MED12L: variants seen among roughly 807,000 people sequenced by gnomAD.
MED12L encodes the protein mediator of RNA polymerase II transcription subunit 12-like protein.
In MED12L, 60 loss-of-function variants were observed where a neutral mutation model predicts 281.3. That is an observed-to-expected ratio of 0.21 (90% CI 0.17 to 0.26). The LOEUF (loss-of-function observed/expected upper bound fraction) is 0.26. Among genes scored for constraint, MED12L ranks in the 10% least tolerant of loss-of-function variants. MED12L has a pLI of 1.00. For missense variants in MED12L, 2,146 were observed against 2,680.9 expected, an observed-to-expected ratio of 0.80 and a Z score of 4.41; for synonymous variants, 974 against 987.2, an observed-to-expected ratio of 0.99 and a Z score of 0.25.
chr3:151,398,390 C>A (rs1337341832), intron 39 of MED12L, among the ~76,000 whole-genome samples: 6 of 152,198 alleles, frequency 3.9e-5, no homozygotes, highest in Non-Finnish European at 5.9e-5. Flanking sequence ...TTCAGTGATA[C>A]ACAATGAAAA....
At chr3:151,297,873 CAT>C (rs963462783) in intron 16 of MED12L, among the ~76,000 whole-genome samples, 1 of 151,678 alleles carries the variant, frequency 6.6e-6, no homozygotes, top group Non-Finnish European at 1.5e-5. Context: ...TACATATATA[CAT>C]ATATATATAT....
Position 151,385,092 on chromosome 3 carries a change from G to A in MED12L, c.4989G>A (p.Pro1663=), listed in dbSNP as rs766869045. Residue 1663 remains proline, a synonymous_variant, in exon 36 of 45, where the codon CCG becomes CCA. Transcript: ENST00000687756. ...IDKVRQLLPL[P]KQTCDVITCE... is the part of the protein sequence containing the mutation. ...AAGTTCGACAGTTACTACCTTTGCC[G>A]AAACAGACATGTGATGTCATCACTT... 13 of 1,612,250 alleles carry A rather than the reference G, an allele frequency of 8.1e-6. No individual in the cohort carries two copies. Among genetic ancestry groups the A allele is most frequent in the Non-Finnish European group, 2.5e-6 (3 of 1,179,242 alleles).
chr3:151,394,885 C>A lies in MED12L; in HGVS notation c.5820+18C>A. 6.2e-7 allele frequency: 1 copy of A among 1,613,016 alleles called. No individual in the cohort carries two copies. The highest frequency in any genetic ancestry group is 1.1e-5 in the South Asian group (1 of 91,002). ...TCCAACAGGTTTGTCCAGACCCCAG[C>A]AATGGAGTCCTTTGCATTTTATTAC... On this transcript the variant is annotated intron_variant, in intron 39 of 44. Transcript: ENST00000687756.
At position 151,294,653 on chromosome 3, in the gene MED12L, G is replaced by A. The variant is rs143642629; in HGVS notation, c.2251-55406G>A. The A allele has an allele frequency of 1.2e-6, 2 of 1,614,002 alleles. No homozygotes were observed. The highest frequency in any genetic ancestry group is 1.3e-5 in the African/African-American group (1 of 74,900). On this transcript the variant is annotated intron_variant, in intron 16 of 44. Transcript: ENST00000687756. ...TGCCGTATGCCATTTGACCCCCAAA[G>A]GACTTTTAAGTTTTGAGCAGTCATG...
intron 16 of MED12L, among the ~76,000 whole-genome samples, chr3:151,313,790 G>C (rs1747865191): frequency 6.6e-6 from 1 of 152,024 alleles, no homozygotes; most frequent in Admixed American, 6.6e-5. Context: ...GTTACATGGT[G>C]GTGGGCGCCT....
intron 16 of MED12L, chr3:151,316,286 A>T (rs917213775): frequency 3.9e-5 from 6 of 152,224 alleles, no homozygotes; most frequent in African/African-American, 1.4e-4. Context: ...AGAGACTTTG[A>T]CTTTTACTCA....
chr3:151,165,378 G>A, intron 9 of MED12L, 42 bp from the exon 10 acceptor site: 1 of 1,505,720 alleles, frequency 6.6e-7, no homozygotes, highest in Non-Finnish European at 9.2e-7. Context: ...CATGCGCTGT[G>A]GCATTCCAAG....
intron 39 of MED12L, among the ~76,000 whole-genome samples, chr3:151,396,348 C>A (rs978483690): frequency 1.3e-5 from 2 of 152,172 alleles, no homozygotes; most frequent in African/African-American, 4.8e-5. Flanking sequence ...ACGCCTAGGG[C>A]CAGGCGTGGT....
intron 43 of MED12L, among the ~76,000 whole-genome samples, chr3:151,429,586 TG>T (rs1719242762): frequency 1.3e-5 from 2 of 152,238 alleles, no homozygotes; most frequent in Non-Finnish European, 2.9e-5. Flanking sequence ...TTCTGGTAGA[TG>T]CTGCTTTTTT....
chr3:151,300,556 G>T (rs554809347), intron 16 of MED12L, among the ~76,000 whole-genome samples: 1 of 152,280 alleles, frequency 6.6e-6, no homozygotes, highest in South Asian at 2.1e-4. Context: ...ATTCTATCAC[G>T]TATTGACCAT....
intron 16 of MED12L, among the ~76,000 whole-genome samples, chr3:151,309,827 C>T (rs1747252265): frequency 6.6e-6 from 1 of 152,206 alleles, no homozygotes; most frequent in African/African-American, 2.4e-5. Flanking sequence ...ATTAGGCAGT[C>T]ATGGAATTTG....
At chr3:151,362,061 G>A (rs565047308) in intron 21 of MED12L, among the ~76,000 whole-genome samples, 3 of 151,722 alleles carry the variant, frequency 2.0e-5, no homozygotes, top group East Asian at 1.9e-4. Flanking sequence ...GTCATACCTC[G>A]TATCCAGTTT....
intron 36 of MED12L, among the ~76,000 whole-genome samples, chr3:151,386,030 T>C (rs142341266): frequency 6.6e-6 from 1 of 152,182 alleles, no homozygotes; most frequent in African/African-American, 2.4e-5. Context: ...GGGGATAGAA[T>C]AGAGGGTCCC....
At chr3:151,130,034 A>G (rs1576789679) in intron 5 of MED12L, among the ~76,000 whole-genome samples, 1 of 151,876 alleles carries the variant, frequency 6.6e-6, no homozygotes, top group African/African-American at 2.4e-5. Flanking sequence ...CACCCAGAGT[A>G]CTGGGATTAC....
At chr3:151,091,433 T>C (rs1197642043) in intron 2 of MED12L, among the ~76,000 whole-genome samples, 1 of 152,170 alleles carries the variant, frequency 6.6e-6, no homozygotes, top group Admixed American at 6.5e-5. Context: ...GGTGACAAGA[T>C]CCCAGGTAAT....
chr3:151,142,752 A>T (rs546435259), intron 5 of MED12L, among the ~76,000 whole-genome samples: 1 of 152,204 alleles, frequency 6.6e-6, no homozygotes, highest in South Asian at 2.1e-4. Context: ...TGACTTATTT[A>T]TAAAAGCTAG....
At chr3:151,145,372 C>CT (rs60417545) in intron 5 of MED12L, among the ~76,000 whole-genome samples, 2,839 of 152,314 alleles carry the variant, frequency 0.019, 102 homozygotes, top group African/African-American at 0.065. Context: ...TGAACACATT[C>CT]TTTAAGGCAT....
chr3:151,296,975 A>T (rs1745187595), intron 16 of MED12L, among the ~76,000 whole-genome samples: 1 of 152,214 alleles, frequency 6.6e-6, no homozygotes, highest in South Asian at 2.1e-4. Flanking sequence ...AAATCCAAAA[A>T]CAGATTCCTA....
At position 151,376,171 on chromosome 3, in the gene MED12L, A is replaced by T; in HGVS notation, c.4010A>T (p.Glu1337Val). The T allele has an allele frequency of 6.2e-7, 1 of 1,604,418 alleles. No individual in the cohort carries two copies. The highest frequency in any genetic ancestry group is 8.5e-7 in the Non-Finnish European group (1 of 1,176,458). ...CCTCATGGCATTAAAGAATGTACCG[A>T]GGGGGACAATCTGCAAAGACAGCAC... is the stretch of plus-strand genomic sequence containing the variant. ...CYPHGIKECTEGDNLQRQHIK... is the reference protein window; with the variant it reads ...CYPHGIKECTVGDNLQRQHIK... Residue 1337 changes from glutamate (E) to valine (V), a missense_variant, in exon 28 of 45, where the codon GAG becomes GTG. Coordinates refer to ENST00000687756, the MANE Select transcript of MED12L (RefSeq NM_001393769.1).
Sources: gnomAD v4.1 joint callset for allele counts (sites outside exome capture counted in the v4.1 genomes callset) on GRCh38, gnomAD v4.1.1 for gene constraint, MANE v1.5 for transcripts, NCBI Gene and HGNC (gene_info 2026-07-23, HGNC 2026-07-21) for gene names.